FAM162A: variants seen among roughly 807,000 people sequenced by gnomAD.
FAM162A encodes the protein protein FAM162A.
A neutral mutation model predicts 21.8 loss-of-function variants in FAM162A; 23 were observed. That is an observed-to-expected ratio of 1.05 (90% CI 0.76 to 1.49). The LOEUF (loss-of-function observed/expected upper bound fraction) is 1.49. Ranked by LOEUF, FAM162A falls within the 40% of genes most tolerant of loss-of-function variation. The pLI is 0.00. For synonymous variants in FAM162A, 53 were observed against 61.3 expected, an observed-to-expected ratio of 0.86 and a Z score of 0.64; for missense variants, 165 against 186.4, an observed-to-expected ratio of 0.89 and a Z score of 0.67.
intron 4 of FAM162A, 130 bp downstream of exon 4, chr3:122,407,519 A>G: frequency 3.1e-6 from 2 of 635,728 alleles, no homozygotes; most frequent in Non-Finnish European, 5.4e-6. Context: ...GAGAAAAGAT[A>G]AGCAAAAAAA....
Position 122,410,880 on chromosome 3 carries a change from A to G in FAM162A, c.*1049A>G, listed in dbSNP as rs936057001. ...TCATCCCTCTCTCTGGTGTATTCAC[A>G]CTGTATGTGCTAGCCGTCTCTGTTA... On this transcript the variant is annotated 3_prime_UTR_variant, in exon 5 of 5. Transcript: ENST00000477892. The G allele has an allele frequency of 6.6e-6, 1 of 152,240 alleles. No individual in the cohort carries two copies. The highest frequency in any genetic ancestry group is 2.4e-5 in the African/African-American group (1 of 41,460). 9.4% of individuals were successfully genotyped at this position (152,240 alleles called of 1,614,324 possible).
At chr3:122,388,203 G>A (rs2075583323) in intron 1 of FAM162A, among the ~76,000 whole-genome samples, 1 of 152,234 alleles carries the variant, frequency 6.6e-6, no homozygotes, top group South Asian at 2.1e-4. Flanking sequence ...GTGTCTTGAA[G>A]AAAGGATGAG....
chr3:122,407,187 CTACATTTTGAATTTA>C (rs1318303873), intron 3 of FAM162A, 79 bp from the exon 4 acceptor site: 1 of 951,006 alleles, frequency 1.1e-6, no homozygotes, highest in South Asian at 1.6e-5. Context: ...ATAGACACTA[CTACATTTTGAATTTA>C]TACACAGCCT....
At chr3:122,405,833 A>G (rs1050082403) in intron 3 of FAM162A, among the ~76,000 whole-genome samples, 18 of 152,216 alleles carry the variant, frequency 1.2e-4, no homozygotes, top group African/African-American at 4.3e-4. Flanking sequence ...CCCATAAAAT[A>G]CCGTCAACAT....
intron 1 of FAM162A, among the ~76,000 whole-genome samples, chr3:122,385,547 A>T (rs929317036): frequency 1.3e-5 from 2 of 152,204 alleles, no homozygotes; most frequent in African/African-American, 2.4e-5. Context: ...TCTTGGAACT[A>T]CTTTGACATC....
chr3:122,391,039 A>G (rs1417565344), intron 1 of FAM162A, among the ~76,000 whole-genome samples: 1 of 152,240 alleles, frequency 6.6e-6, no homozygotes, highest in Admixed American at 6.5e-5. Context: ...ACGTCTGGTC[A>G]ATATATTCTG....
At position 122,384,262 on chromosome 3, in the gene FAM162A, G is replaced by A. The variant is rs1371040520; in HGVS notation, c.-4G>A. 6.4e-7 allele frequency: 1 copy of A among 1,574,060 alleles called. No homozygotes were observed. Among genetic ancestry groups the A allele is most frequent in the Non-Finnish European group, 8.6e-7 (1 of 1,160,176 alleles). On this transcript the variant is annotated 5_prime_UTR_variant, in exon 1 of 5. Coordinates refer to ENST00000477892, the MANE Select transcript of FAM162A (RefSeq NM_014367.4). ...TGCGCTGGTCGGCGGAGTAGCAAGT[G>A]GCCATGGGGAGCCTCAGCGGTCTGC... is the stretch of plus-strand genomic sequence containing the variant.
At chr3:122,390,018 G>A (rs1244727288) in intron 1 of FAM162A, among the ~76,000 whole-genome samples, 1 of 151,998 alleles carries the variant, frequency 6.6e-6, no homozygotes, top group Non-Finnish European at 1.5e-5. Flanking sequence ...TCTGCCTGTG[G>A]TCCCAACTAC....
At chr3:122,402,908 G>A in intron 2 of FAM162A, 26 bp downstream of exon 2, 1 of 1,576,780 alleles carries the variant, frequency 6.3e-7, no homozygotes, top group Non-Finnish European at 8.6e-7. Flanking sequence ...TTCTATTTAT[G>A]GAGTTGGTAG....
chr3:122,389,381 G>GGATAGGTAGATA (rs1553776512), intron 1 of FAM162A, among the ~76,000 whole-genome samples: 2 of 145,232 alleles, frequency 1.4e-5, no homozygotes, highest in Admixed American at 6.9e-5. Context: ...TAGTATAGAT[G>GGATAGGTAGATA]GATAGATAGA....
chr3:122,392,278 G>A (rs757773368), intron 1 of FAM162A, among the ~76,000 whole-genome samples: 9 of 152,030 alleles, frequency 5.9e-5, no homozygotes, highest in Non-Finnish European at 1.0e-4. Context: ...GCTTGCTGCC[G>A]GTTAACCTTG....
chr3:122,397,143 C>T (rs1317581623), intron 1 of FAM162A, among the ~76,000 whole-genome samples: 1 of 152,124 alleles, frequency 6.6e-6, no homozygotes, highest in Non-Finnish European at 1.5e-5. Context: ...TCTTAACAAC[C>T]ATGAACATAT....
intron 2 of FAM162A, 24 bp downstream of exon 2, chr3:122,402,906 A>C: frequency 1.9e-6 from 3 of 1,581,330 alleles, no homozygotes; most frequent in Non-Finnish European, 2.6e-6. Flanking sequence ...TTTTCTATTT[A>C]TGGAGTTGGT....
chr3:122,388,152 A>C (rs1285266251), intron 1 of FAM162A, among the ~76,000 whole-genome samples: 1 of 152,224 alleles, frequency 6.6e-6, no homozygotes, highest in African/African-American at 2.4e-5. Context: ...ACAGTAACTG[A>C]TGTGTGAGGT....
At chr3:122,396,271 A>G (rs1312138110) in intron 1 of FAM162A, among the ~76,000 whole-genome samples, 1 of 152,204 alleles carries the variant, frequency 6.6e-6, no homozygotes, top group Admixed American at 6.5e-5. Context: ...AGTACATATC[A>G]GATAAGGAAA....
Position 122,409,971 on chromosome 3 carries a change from T to A in FAM162A, c.*140T>A. 2.6e-6 allele frequency: 2 copies of A among 755,282 alleles called. No individual in the cohort carries two copies. The highest frequency in any genetic ancestry group is 4.7e-6 in the Non-Finnish European group (2 of 427,826). The allele number at this position is 755,282 out of a possible 1,614,324, so 46.8% of individuals were successfully genotyped here. ...CTGTACCATTTCCGTATTTCTGCTG[T>A]AGAAGTAGAAATAAATTTTCTTAAA... On this transcript the variant is annotated 3_prime_UTR_variant, in exon 5 of 5. Transcript: ENST00000477892.
rs922346696 is a variant in FAM162A, at chr3:122,384,195, G to A, written c.-71G>A. On this transcript the variant is annotated 5_prime_UTR_variant, in exon 1 of 5. In the 5' UTR this introduces an upstream ATG that the reference lacks. Coordinates refer to ENST00000477892, the MANE Select transcript of FAM162A (RefSeq NM_014367.4). ...TGCGTCCTTCCCACTCCAACGCTGGGTGACATTGAGCTCACCAGCGCCACC... is the reference window on the plus strand; with the variant it reads ...TGCGTCCTTCCCACTCCAACGCTGGATGACATTGAGCTCACCAGCGCCACC... The A allele has an allele frequency of 9.1e-6, 14 of 1,543,024 alleles. No homozygotes were observed. The South Asian group carries it at 1.1e-4, about 12-fold the overall frequency.
Position 122,409,829 on chromosome 3 carries a change from T to C in FAM162A, c.463T>C (p.Ter155GlnextTer17), listed in dbSNP as rs773734248. 3 of 1,613,402 alleles carry C rather than the reference T, an allele frequency of 1.9e-6. No homozygotes were observed. Among genetic ancestry groups the C allele is most frequent in the South Asian group, 1.1e-5 (1 of 91,070 alleles). Residue 155 changes from the stop codon to glutamine, a stop_lost, in exon 5 of 5, where the codon TAG (stop) becomes CAG (glutamine). Transcript: ENST00000477892. ...EEAAMKAKTE[*>Q] ...AGCAGCTATGAAGGCCAAAACAGAG[T>C]AGCAGAGGTATCCGTGTTGGCTGGA...
At chr3:122,401,103 C>G (rs2075651476) in intron 1 of FAM162A, among the ~76,000 whole-genome samples, 1 of 151,376 alleles carries the variant, frequency 6.6e-6, no homozygotes, top group African/African-American at 2.4e-5. Flanking sequence ...TGCTGCTTTG[C>G]TTATTTTTCA....
Sources: allele counts gnomAD v4.1 joint callset (sites outside exome capture counted in the v4.1 genomes callset), GRCh38; gene constraint gnomAD v4.1.1; transcripts MANE v1.5; gene names NCBI Gene and HGNC (gene_info 2026-07-23, HGNC 2026-07-21).